The following CADM2 variants were observed in gnomAD, a reference collection of about 807,000 sequenced individuals.
The protein encoded by CADM2 is cell adhesion molecule 2.
A neutral mutation model predicts 49.8 loss-of-function variants in CADM2; 12 were observed. The ratio of observed to expected loss-of-function variants is 0.24; its 90% confidence interval spans 0.15 to 0.39. The LOEUF is 0.39. Among genes scored for constraint, CADM2 ranks in the 10% least tolerant of loss-of-function variants. The pLI is 1.00. For missense variants in CADM2, 378 were observed against 492.3 expected (o/e 0.77, Z 2.20); for synonymous variants, 214 against 175.4 (o/e 1.22, Z -1.74).
At chr3:85,934,135 C>G (rs1234453226) in intron 6 of CADM2, among the ~76,000 whole-genome samples, 1 of 152,078 alleles carries the variant, frequency 6.6e-6, no homozygotes, top group Non-Finnish European at 1.5e-5. Flanking sequence ...TCACCTCAAA[C>G]TTTTTCCATG....
intron 1 of CADM2, among the ~76,000 whole-genome samples, chr3:85,657,719 TATATATACAG>T (rs2065248806): frequency 1.6e-5 from 2 of 125,556 alleles, no homozygotes; most frequent in African/African-American, 2.9e-5. Context: ...CACAGATATA[TATATATACAG>T]ATATATATAT....
intron 8 of CADM2, among the ~76,000 whole-genome samples, chr3:86,064,737 A>G (rs1398828759): frequency 6.6e-6 from 1 of 152,216 alleles, no homozygotes; most frequent in African/African-American, 2.4e-5. Context: ...GGCGATCATT[A>G]AAATGACCTT....
chr3:85,278,047 A>AT (rs200751419), intron 1 of CADM2, among the ~76,000 whole-genome samples: 39 of 144,830 alleles, frequency 2.7e-4, no homozygotes, highest in Admixed American at 1.1e-3. Context: ...AAAATTGTGT[A>AT]TTTTTTTTTC....
intron 1 of CADM2, among the ~76,000 whole-genome samples, chr3:85,044,515 G>C (rs2035572609): frequency 6.6e-6 from 1 of 152,172 alleles, no homozygotes; most frequent in African/African-American, 2.4e-5. Flanking sequence ...GCTGGGGTTG[G>C]TGTACCAACT....
intron 1 of CADM2, among the ~76,000 whole-genome samples, chr3:85,208,887 T>C (rs2041712796): frequency 6.6e-6 from 1 of 152,090 alleles, no homozygotes; most frequent in Non-Finnish European, 1.5e-5. Context: ...AGATAAGAAA[T>C]GATGTTCCCA....
chr3:86,042,009 A>C (rs2107249422), intron 8 of CADM2, among the ~76,000 whole-genome samples: 1 of 152,332 alleles, frequency 6.6e-6, no homozygotes, highest in South Asian at 2.1e-4. Context: ...AGGCAGAAAT[A>C]AAGATGTTCT....
At position 85,604,896 on chromosome 3, in the gene CADM2, C is replaced by G. The variant is rs192276782; in HGVS notation, c.62-121626C>G. On this transcript the variant is annotated intron_variant, in intron 1 of 9. Transcript: ENST00000383699. ...GCTTATATCATCATATAATAGATGG[C>G]TTTCCTCTTCATGGAAGCTTGCCTT... Among the ~76,000 whole-genome samples the G allele has an allele frequency of 2.0e-5, 3 of 152,054 alleles. No homozygotes were observed. The East Asian group carries it at 5.8e-4, about 29-fold the overall frequency.
intron 1 of CADM2, among the ~76,000 whole-genome samples, chr3:85,008,346 G>C (rs2033838494): frequency 6.6e-6 from 1 of 152,118 alleles, no homozygotes; most frequent in Non-Finnish European, 1.5e-5. Context: ...CCAGTCAGAA[G>C]TGGTCTCATT....
Position 85,373,088 on chromosome 3 carries a change from A to G in CADM2, c.62-353434A>G, listed in dbSNP as rs373015062. 2.2e-4 allele frequency among the ~76,000 whole-genome samples: 33 copies of G among 152,208 alleles called. No individual in the cohort carries two copies. In the East Asian group the frequency reaches 3.5e-3, roughly 16 times the overall value. On this transcript the variant is annotated intron_variant, in intron 1 of 9. Transcript: ENST00000383699. ...ATCATGGCTTCCCAAAAGTACCCCA[A>G]AGTCTCGACTCATTTCAGCATTAAC...
At chr3:85,037,683 C>T (rs958919251) in intron 1 of CADM2, among the ~76,000 whole-genome samples, 1 of 151,948 alleles carries the variant, frequency 6.6e-6, no homozygotes, top group Admixed American at 6.6e-5. Flanking sequence ...TATGTTTGTC[C>T]CCTTTATCTT....
intron 1 of CADM2, among the ~76,000 whole-genome samples, chr3:85,067,039 T>G (rs2036551727): frequency 6.6e-6 from 1 of 152,168 alleles, no homozygotes; most frequent in South Asian, 2.1e-4. Flanking sequence ...TCATTTGATC[T>G]AGGTTAGTAA....
chr3:85,663,113 C>A (rs1321774641), intron 1 of CADM2, among the ~76,000 whole-genome samples: 1 of 152,002 alleles, frequency 6.6e-6, no homozygotes, highest in Non-Finnish European at 1.5e-5. Flanking sequence ...AATCCAGAGA[C>A]CAGCTCTTAC....
chr3:85,459,231 C>T (rs1198991334), intron 1 of CADM2, among the ~76,000 whole-genome samples: 1 of 152,152 alleles, frequency 6.6e-6, no homozygotes, highest in Non-Finnish European at 1.5e-5. Flanking sequence ...GCTGCAGAAG[C>T]TCCAGGAATC....
At chr3:85,550,650 C>T (rs935200841) in intron 1 of CADM2, among the ~76,000 whole-genome samples, 6 of 152,156 alleles carry the variant, frequency 3.9e-5, no homozygotes, top group Admixed American at 1.3e-4. Flanking sequence ...ATGCAAGATT[C>T]TAAGAGCAAC....
At chr3:85,028,422 A>T (rs190545625) in intron 1 of CADM2, among the ~76,000 whole-genome samples, 3 of 152,290 alleles carry the variant, frequency 2.0e-5, no homozygotes, top group African/African-American at 7.2e-5. Context: ...TTTAATTTTC[A>T]TATAAACCAT....
At chr3:85,716,979 G>A (rs1228133266) in intron 1 of CADM2, among the ~76,000 whole-genome samples, 1 of 152,060 alleles carries the variant, frequency 6.6e-6, no homozygotes, top group African/African-American at 2.4e-5. Context: ...GGCTATATGG[G>A]CTCTTTTTTG....
intron 1 of CADM2, among the ~76,000 whole-genome samples, chr3:84,989,987 T>C (rs1321800747): frequency 6.6e-6 from 1 of 151,924 alleles, no homozygotes; most frequent in East Asian, 1.9e-4. Context: ...TGGTTACAGA[T>C]TCTTAATAAG....
At chr3:85,269,838 A>G (rs949753063) in intron 1 of CADM2, among the ~76,000 whole-genome samples, 14 of 151,328 alleles carry the variant, frequency 9.3e-5, no homozygotes, top group African/African-American at 2.9e-4. Context: ...TTTTCAGTTT[A>G]TATTTTTGTT....
intron 8 of CADM2, among the ~76,000 whole-genome samples, chr3:86,002,406 G>T (rs1730295556): frequency 6.6e-6 from 1 of 152,060 alleles, no homozygotes; most frequent in African/African-American, 2.4e-5. Flanking sequence ...TCCCTGAGTA[G>T]ACAGATGTCC....
Sources: allele counts gnomAD v4.1 joint callset (sites outside exome capture counted in the v4.1 genomes callset), GRCh38; gene constraint gnomAD v4.1.1; transcripts MANE v1.5; gene names NCBI Gene and HGNC (gene_info 2026-07-23, HGNC 2026-07-21).